TMTC1: variants seen among roughly 807,000 people sequenced by gnomAD.
TMTC1 encodes protein O-mannosyl-transferase TMTC1.
A neutral mutation model predicts 104.8 loss-of-function variants in TMTC1; 73 were observed. The observed-to-expected ratio is 0.70, with a 90% CI of 0.58 to 0.85. TMTC1 has a LOEUF of 0.85. Among genes scored for constraint, TMTC1 ranks in the 40% least tolerant of loss-of-function variants. The pLI is 0.00. For synonymous variants in TMTC1, 434 were observed against 428.7 expected, an observed-to-expected ratio of 1.01 and a Z score of -0.15; for missense variants, 1,035 against 1,096.1, an observed-to-expected ratio of 0.94 and a Z score of 0.79.
At chr12:29,690,042 T>A (rs1355621380) in intron 5 of TMTC1, among the ~76,000 whole-genome samples, 1 of 152,160 alleles carries the variant, frequency 6.6e-6, no homozygotes, top group Non-Finnish European at 1.5e-5. Context: ...GGCATCCCAA[T>A]CAGATAATGA....
intron 5 of TMTC1, among the ~76,000 whole-genome samples, chr12:29,690,462 T>C (rs1941234116): frequency 6.6e-6 from 1 of 152,210 alleles, no homozygotes; most frequent in South Asian, 2.1e-4. Context: ...AGTTTTTTTG[T>C]TTGGTTCATA....
At chr12:29,644,410 G>C (rs1466310059) in intron 5 of TMTC1, among the ~76,000 whole-genome samples, 5 of 151,740 alleles carry the variant, frequency 3.3e-5, no homozygotes, top group Non-Finnish European at 7.4e-5. Context: ...ATATGGTGCA[G>C]TGTATACTGC....
rs1392352185 is a variant in TMTC1 at position 29,687,771 on chromosome 12, G to T, written c.939-54435C>A. 2.6e-5 allele frequency among the ~76,000 whole-genome samples: 4 copies of T among 152,218 alleles called. No individual in the cohort carries two copies. The East Asian group carries it at 7.7e-4, about 29-fold the overall frequency. ...CTGGTGAGGGATCTCTTCTTGGCTT[G>T]CAGACAACTACCTCCTCGCTGTGTC... On this transcript the variant is annotated intron_variant, in intron 5 of 17. Coordinates refer to ENST00000539277, the MANE Select transcript of TMTC1 (RefSeq NM_001193451.2).
intron 5 of TMTC1, among the ~76,000 whole-genome samples, chr12:29,736,120 C>A (rs145124674): frequency 1.3e-5 from 2 of 152,014 alleles, no homozygotes; most frequent in African/African-American, 4.8e-5. Context: ...TACATGAGAT[C>A]GTTATGGGCT....
intron 17 of TMTC1, among the ~76,000 whole-genome samples, chr12:29,507,327 C>T (rs1287665225): frequency 6.6e-6 from 1 of 151,952 alleles, no homozygotes; most frequent in Non-Finnish European, 1.5e-5. Context: ...GGAACCATGG[C>T]ACAAAATTCA....
chr12:29,522,086 C>T (rs1483906762), intron 11 of TMTC1, among the ~76,000 whole-genome samples: 2 of 152,154 alleles, frequency 1.3e-5, no homozygotes, highest in Admixed American at 6.5e-5. Flanking sequence ...TACATATATG[C>T]CCTGAGTATG....
chr12:29,639,281 T>C (rs763829625), intron 5 of TMTC1, among the ~76,000 whole-genome samples: 8 of 152,108 alleles, frequency 5.3e-5, no homozygotes, highest in Non-Finnish European at 1.0e-4. Context: ...AAATGGAAGA[T>C]GAAGGGAAGA....
intron 5 of TMTC1, among the ~76,000 whole-genome samples, chr12:29,639,672 T>C (rs1938738627): frequency 6.6e-6 from 1 of 152,156 alleles, no homozygotes; most frequent in African/African-American, 2.4e-5. Flanking sequence ...CAAAAGACAT[T>C]TAGAAGATTG....
intron 5 of TMTC1, among the ~76,000 whole-genome samples, chr12:29,677,827 C>T (rs948209035): frequency 6.6e-6 from 1 of 152,214 alleles, no homozygotes. Flanking sequence ...CTTAATAATG[C>T]CCCACACATG....
Position 29,653,299 on chromosome 12 carries a change from G to C in TMTC1, c.939-19963C>G, listed in dbSNP as rs959817924. Among the ~76,000 whole-genome samples, 9 of 152,064 alleles carry C rather than the reference G, an allele frequency of 5.9e-5. No homozygotes were observed. The East Asian group carries it at 1.7e-3, about 29-fold the overall frequency. ...TTCAGGAACACAGGCCAGAAACCGTGAGGGCCTTCAGGAAGATGGTGGCAG... is the reference window on the plus strand; with the variant it reads ...TTCAGGAACACAGGCCAGAAACCGTCAGGGCCTTCAGGAAGATGGTGGCAG... On this transcript the variant is annotated intron_variant, in intron 5 of 17. Transcript: ENST00000539277.
intron 5 of TMTC1, among the ~76,000 whole-genome samples, chr12:29,707,463 A>G (rs1190800123): frequency 6.6e-5 from 10 of 152,164 alleles, no homozygotes; most frequent in Admixed American, 6.5e-4. Context: ...AGCTCCAGGC[A>G]TCGCGTCCTC....
Position 29,501,671 on chromosome 12 carries a change from T to G in TMTC1, c.*5175A>C, listed in dbSNP as rs1943597925. Reference sequence around the variant, plus strand: ...CTGAGAATGCAAAGAAACTACTGGATTTTTAGAAATAGACATGTCTCTCCA... The same window carrying G: ...CTGAGAATGCAAAGAAACTACTGGAGTTTTAGAAATAGACATGTCTCTCCA... On this transcript the variant is annotated 3_prime_UTR_variant, in exon 18 of 18. Coordinates refer to ENST00000539277, the MANE Select transcript of TMTC1 (RefSeq NM_001193451.2). 6.6e-6 allele frequency: 1 copy of G among 152,162 alleles called. No homozygotes were observed. The highest frequency in any genetic ancestry group is 6.5e-5 in the Admixed American group (1 of 15,278). The allele number at this position is 152,162 out of a possible 1,614,324, so 9.4% of individuals were successfully genotyped here.
chr12:29,614,887 T>A (rs1324764455), intron 6 of TMTC1, among the ~76,000 whole-genome samples: 1 of 152,118 alleles, frequency 6.6e-6, no homozygotes, highest in African/African-American at 2.4e-5. Context: ...AATAAATTAC[T>A]CCCCAAGTGA....
chr12:29,716,369 T>C (rs923987333), intron 5 of TMTC1, among the ~76,000 whole-genome samples: 4 of 152,212 alleles, frequency 2.6e-5, no homozygotes, highest in Admixed American at 6.5e-5. Context: ...CAACGAAAAG[T>C]CTAGAGCAAC....
chr12:29,572,275 T>C, intron 8 of TMTC1, 57 bp from the exon 9 acceptor site: 2 of 1,368,178 alleles, frequency 1.5e-6, no homozygotes, highest in East Asian at 4.8e-5. Flanking sequence ...ATTGTCAGAT[T>C]CCTTTATGTT....
chr12:29,632,985 C>T (rs879313596), intron 6 of TMTC1, among the ~76,000 whole-genome samples, 162 bp downstream of exon 6: 1 of 152,030 alleles, frequency 6.6e-6, no homozygotes, highest in Non-Finnish European at 1.5e-5. Flanking sequence ...GTCAAAAAAT[C>T]TATAAGGTGG....
At chr12:29,569,433 T>C (rs921858669) in intron 9 of TMTC1, among the ~76,000 whole-genome samples, 4 of 152,160 alleles carry the variant, frequency 2.6e-5, no homozygotes, top group African/African-American at 7.2e-5. Context: ...GCCTTTAACA[T>C]TGCATTTCCC....
chr12:29,611,203 C>G (rs12822100), intron 6 of TMTC1, among the ~76,000 whole-genome samples: 24,204 of 144,250 alleles, frequency 0.17, 2,595 homozygotes, highest in African/African-American at 0.31. Context: ...TTGCACAGAG[C>G]CTTTTGTTTG....
chr12:29,775,630 A>T (rs1943690154), intron 1 of TMTC1, among the ~76,000 whole-genome samples: 1 of 152,150 alleles, frequency 6.6e-6, no homozygotes, highest in Non-Finnish European at 1.5e-5. Context: ...ATGATTACCT[A>T]CCAGGGAAGT....
Sources: gnomAD v4.1 joint callset for allele counts (sites outside exome capture counted in the v4.1 genomes callset) on GRCh38, gnomAD v4.1.1 for gene constraint, MANE v1.5 for transcripts, NCBI Gene and HGNC (gene_info 2026-07-23, HGNC 2026-07-21) for gene names.